The following PLEKHA7 variants were observed in gnomAD, a reference collection of about 807,000 sequenced individuals.
The protein encoded by PLEKHA7 is pleckstrin homology domain containing A7.
PLEKHA7 carries 104 observed loss-of-function variants against 170.0 expected under a neutral mutation model. That is an observed-to-expected ratio of 0.61 (90% CI 0.52 to 0.72). PLEKHA7 has a LOEUF of 0.72. Among genes scored for constraint, PLEKHA7 ranks in the 30% least tolerant of loss-of-function variants. The pLI is 0.00. For synonymous variants in PLEKHA7, 648 were observed against 660.8 expected, an observed-to-expected ratio of 0.98 and a Z score of 0.30; for missense variants, 1,615 against 1,671.7, an observed-to-expected ratio of 0.97 and a Z score of 0.59.
intron 3 of PLEKHA7, among the ~76,000 whole-genome samples, chr11:16,952,827 C>A (rs758912820): frequency 6.6e-4 from 101 of 152,322 alleles, no homozygotes; most frequent in Non-Finnish European, 1.2e-3. Context: ...AATGTTCAAC[C>A]TGTAATTATA....
chr11:16,993,915 A>G (rs918936544), intron 3 of PLEKHA7, among the ~76,000 whole-genome samples: 1 of 152,236 alleles, frequency 6.6e-6, no homozygotes, highest in Non-Finnish European at 1.5e-5. Context: ...GGGAGGAAAC[A>G]AGGAGGTGCA....
At chr11:16,906,262 G>GGAAGGAAGGAAGGAAT (rs1554968151) in intron 3 of PLEKHA7, among the ~76,000 whole-genome samples, 5 of 116,860 alleles carry the variant, frequency 4.3e-5, no homozygotes, top group African/African-American at 1.6e-4. Context: ...AAGGAAGGAA[G>GGAAGGAAGGAAGGAAT]GAAGGAAGGA....
At chr11:16,923,328 C>T (rs779311553) in intron 3 of PLEKHA7, among the ~76,000 whole-genome samples, 8 of 152,200 alleles carry the variant, frequency 5.3e-5, no homozygotes, top group Non-Finnish European at 1.2e-4. Flanking sequence ...ACCAGCAGCT[C>T]AGGGCAGGGT....
In PLEKHA7 at chr11:16,777,849, G is replaced by T. The variant is rs1199886539; in HGVS notation, c.*1149C>A. 6.6e-6 allele frequency: 1 copy of T among 152,260 alleles called. No homozygotes were observed. Among genetic ancestry groups the T allele is most frequent in the Non-Finnish European group, 1.5e-5 (1 of 68,062 alleles). 9.4% of individuals were successfully genotyped at this position (152,260 alleles called of 1,614,324 possible). ...GGTTCTCCAAGGGCAGGCAGCAAAG[G>T]TTCCCATCATGGCCTGGTTAGAGGG... is the stretch of plus-strand genomic sequence containing the variant. On this transcript the variant is annotated 3_prime_UTR_variant, in exon 27 of 27. Coordinates refer to ENST00000531066, the MANE Select transcript of PLEKHA7 (RefSeq NM_001329630.2).
At chr11:16,964,803 C>T (rs1174780562) in intron 3 of PLEKHA7, among the ~76,000 whole-genome samples, 1 of 152,188 alleles carries the variant, frequency 6.6e-6, no homozygotes, top group Non-Finnish European at 1.5e-5. Context: ...CTCCAAAGTG[C>T]ACAGCACTCA....
At chr11:16,925,277 AAAC>A (rs949987744) in intron 3 of PLEKHA7, among the ~76,000 whole-genome samples, 5 of 152,164 alleles carry the variant, frequency 3.3e-5, no homozygotes, top group African/African-American at 9.7e-5. Context: ...CGATTTTTAA[AAAC>A]AACAACGGCT....
chr11:16,795,402 G>C, intron 17 of PLEKHA7: 1 of 215,862 alleles, frequency 4.6e-6, no homozygotes. Flanking sequence ...ACTATTTAAT[G>C]TGTATAATGT....
At chr11:16,823,816 G>A (rs780707578) in intron 10 of PLEKHA7, among the ~76,000 whole-genome samples, 1 of 152,084 alleles carries the variant, frequency 6.6e-6, no homozygotes, top group Non-Finnish European at 1.5e-5. Context: ...TCTGTTTATT[G>A]TAGCATTATT....
Position 16,783,739 on chromosome 11 carries a change from C to T in PLEKHA7, c.3611G>A (p.Arg1204His), listed in dbSNP as rs752069905. ...GATGTTGCGGATCTTCTCGGCTTTG[C>T]GGTACCGCGCCTGCAGCTCCTCAAG... ...PSLEELQARY[R>H]KAEKIRNILA... The change falls in exon 25 of 27, where the codon CGC (arginine) becomes CAC (histidine). Residue 1204 changes from arginine (R) to histidine (H), a missense_variant. Coordinates refer to ENST00000531066, the MANE Select transcript of PLEKHA7 (RefSeq NM_001329630.2). The T allele has an allele frequency of 1.7e-5, 25 of 1,499,188 alleles. No homozygotes were observed. Among genetic ancestry groups the T allele is most frequent in the East Asian group, 7.9e-5 (3 of 37,868 alleles). 92.9% of individuals were successfully genotyped at this position (1,499,188 alleles called of 1,614,324 possible). A position where few individuals can be genotyped will look rare whatever the true frequency, so the allele number is the denominator to read the frequency against.
At chr11:16,997,059 T>C (rs964985716) in intron 3 of PLEKHA7, among the ~76,000 whole-genome samples, 1 of 152,172 alleles carries the variant, frequency 6.6e-6, no homozygotes, top group Admixed American at 6.5e-5. Context: ...TCACACAGCA[T>C]GGACTGATTT....
At chr11:16,955,754 A>G (rs1217970867) in intron 3 of PLEKHA7, among the ~76,000 whole-genome samples, 1 of 152,032 alleles carries the variant, frequency 6.6e-6, no homozygotes, top group Non-Finnish European at 1.5e-5. Flanking sequence ...GGCTTGGGGG[A>G]AAATGGGATT....
intron 10 of PLEKHA7, among the ~76,000 whole-genome samples, chr11:16,820,995 T>TAACA (rs1362234602): frequency 6.6e-6 from 1 of 152,106 alleles, no homozygotes; most frequent in East Asian, 1.9e-4. Flanking sequence ...GCTTTGCCCC[T>TAACA]AACAGCAGAT....
At chr11:16,837,343 T>C (rs1281757481) in intron 9 of PLEKHA7, among the ~76,000 whole-genome samples, 1 of 152,198 alleles carries the variant, frequency 6.6e-6, no homozygotes, top group African/African-American at 2.4e-5. Flanking sequence ...CCTCAAGGGT[T>C]CTAGCCAGAC....
chr11:16,834,848 G>A (rs1219541468), intron 9 of PLEKHA7, among the ~76,000 whole-genome samples: 1 of 152,144 alleles, frequency 6.6e-6, no homozygotes, highest in Non-Finnish European at 1.5e-5. Context: ...GGGGGGGCGG[G>A]GGCAGAGAGC....
intron 9 of PLEKHA7, among the ~76,000 whole-genome samples, chr11:16,834,853 G>A (rs1366862603): frequency 6.6e-6 from 1 of 152,198 alleles, no homozygotes; most frequent in East Asian, 1.9e-4. Flanking sequence ...GGCGGGGGCA[G>A]AGAGCAGGCC....
In PLEKHA7 at chr11:16,931,938, A is replaced by G. The variant is rs189981920; in HGVS notation, c.222-60756T>C. Among the ~76,000 whole-genome samples, 16 of 152,282 alleles carry G rather than the reference A, an allele frequency of 1.1e-4. No individual in the cohort carries two copies. The East Asian group carries it at 2.5e-3, about 24-fold the overall frequency. On this transcript the variant is annotated intron_variant, in intron 3 of 26. Coordinates refer to ENST00000531066, the MANE Select transcript of PLEKHA7 (RefSeq NM_001329630.2). ...ATTGGCCACACAGGAAGGTCTATAA[A>G]ACTGTTAAATTTTAAAAGGATGAAG...
chr11:16,810,259 C>T (rs1370299316), intron 13 of PLEKHA7, among the ~76,000 whole-genome samples: 1 of 152,248 alleles, frequency 6.6e-6, no homozygotes, highest in Non-Finnish European at 1.5e-5. Context: ...CAATACCTCT[C>T]CCCTGATTCC....
chr11:17,001,877 G>A (rs538778689), intron 3 of PLEKHA7, among the ~76,000 whole-genome samples: 2 of 152,368 alleles, frequency 1.3e-5, no homozygotes, highest in South Asian at 2.1e-4. Context: ...TCAAGAGGGC[G>A]AGGCTCTGTC....
chr11:16,868,762 G>A (rs1374618709), intron 4 of PLEKHA7, among the ~76,000 whole-genome samples: 3 of 152,176 alleles, frequency 2.0e-5, no homozygotes, highest in African/African-American at 7.2e-5. Context: ...GCCTTAAAAA[G>A]GAGGTGCATC....
Sources: allele counts gnomAD v4.1 joint callset (sites outside exome capture counted in the v4.1 genomes callset), GRCh38; gene constraint gnomAD v4.1.1; transcripts MANE v1.5; gene names NCBI Gene and HGNC (gene_info 2026-07-23, HGNC 2026-07-21).